Variants in DUSP22 observed in about 807,000 individuals in gnomAD.
DUSP22 encodes the protein dual specificity phosphatase 22.
DUSP22 carries 24 observed loss-of-function variants against 24.5 expected under a neutral mutation model. That is an observed-to-expected ratio of 0.98 (90% confidence interval 0.71 to 1.38). The LOEUF is 1.38. Among genes scored for constraint, DUSP22 ranks in the 40% most tolerant of loss-of-function variants. The pLI, the probability that DUSP22 is intolerant of heterozygous loss-of-function variation, is 0.00. For synonymous variants in DUSP22, 160 were observed against 106.4 expected, an observed-to-expected ratio of 1.50 and a Z score of -3.10; for missense variants, 330 against 269.2, an observed-to-expected ratio of 1.23 and a Z score of -1.58.
chr6:328,735 A>G (rs533154066), intron 3 of DUSP22, among the ~76,000 whole-genome samples: 96 of 152,394 alleles, frequency 6.3e-4, no homozygotes, highest in African/African-American at 2.1e-3. Flanking sequence ...AACATGAATA[A>G]TGCAGCCTAA....
intron 1 of DUSP22, among the ~76,000 whole-genome samples, chr6:294,509 A>G (rs1173815731): frequency 1.3e-5 from 2 of 152,286 alleles, no homozygotes; most frequent in Non-Finnish European, 2.9e-5. Context: ...CGGTGAAATT[A>G]ATTTTAATAA....
intron 1 of DUSP22, among the ~76,000 whole-genome samples, chr6:302,221 A>G (rs1430634832): frequency 6.6e-6 from 1 of 152,298 alleles, no homozygotes; most frequent in Admixed American, 6.5e-5. Flanking sequence ...CATTTTCAAG[A>G]TATATTAAGT....
At chr6:295,415 C>T (rs775871727) in intron 1 of DUSP22, among the ~76,000 whole-genome samples, 14 of 152,212 alleles carry the variant, frequency 9.2e-5, no homozygotes, top group Non-Finnish European at 1.3e-4. Flanking sequence ...GTTAGGTGTA[C>T]GCAGCAGATT....
At chr6:297,215 T>G (rs2127388558) in intron 1 of DUSP22, among the ~76,000 whole-genome samples, 1 of 152,420 alleles carries the variant, frequency 6.6e-6, no homozygotes, top group African/African-American at 2.4e-5. Flanking sequence ...CCTTAGGTGG[T>G]TAGCTAATCC....
chr6:322,421 G>C (rs1201944133), intron 3 of DUSP22, among the ~76,000 whole-genome samples: 1 of 152,294 alleles, frequency 6.6e-6, no homozygotes, highest in African/African-American at 2.4e-5. Context: ...GGCGCCTCAG[G>C]GTACTCTGGC....
intron 4 of DUSP22, among the ~76,000 whole-genome samples, chr6:342,125 C>T (rs930047871): frequency 6.6e-6 from 1 of 152,306 alleles, no homozygotes; most frequent in African/African-American, 2.4e-5. Context: ...TGACCCCAAT[C>T]CTGTCCCCAC....
intron 1 of DUSP22, among the ~76,000 whole-genome samples, chr6:293,697 T>C (rs1309687476): frequency 2.6e-5 from 4 of 152,398 alleles, no homozygotes; most frequent in South Asian, 2.1e-4. Flanking sequence ...GCGCATGTCG[T>C]GTTTATTGTG....
intron 2 of DUSP22, among the ~76,000 whole-genome samples, chr6:305,154 G>A (rs557012720): frequency 6.6e-6 from 1 of 152,426 alleles, no homozygotes; most frequent in African/African-American, 2.4e-5. Context: ...ATCAGCTTTA[G>A]ACTTCTCATG....
chr6:296,129 C>G (rs530435267), intron 1 of DUSP22, among the ~76,000 whole-genome samples: 2 of 152,420 alleles, frequency 1.3e-5, no homozygotes, highest in East Asian at 3.8e-4. Flanking sequence ...CACCTCCTCT[C>G]TTCCTTTATG....
chr6:297,268 C>T (rs1354771855), intron 1 of DUSP22, among the ~76,000 whole-genome samples: 1 of 152,294 alleles, frequency 6.6e-6, no homozygotes, highest in African/African-American at 2.4e-5. Flanking sequence ...GATACCTTCC[C>T]CAATTACTAA....
intron 1 of DUSP22, among the ~76,000 whole-genome samples, chr6:296,237 A>G (rs1488228543): frequency 6.6e-6 from 1 of 152,298 alleles, no homozygotes; most frequent in African/African-American, 2.4e-5. Context: ...TAGATGCCCC[A>G]CACTGGCCAA....
intron 4 of DUSP22, among the ~76,000 whole-genome samples, 158 bp from the exon 5 acceptor site, chr6:345,696 G>A (rs888353781): frequency 2.6e-5 from 4 of 152,300 alleles, no homozygotes; most frequent in South Asian, 4.1e-4. Context: ...TACATGCATT[G>A]AAGTGTCACA....
intron 3 of DUSP22, among the ~76,000 whole-genome samples, chr6:330,113 A>G (rs1269509434): frequency 6.6e-6 from 1 of 152,310 alleles, no homozygotes; most frequent in African/African-American, 2.4e-5. Context: ...CAAATAACAG[A>G]CACCATTGCT....
intron 2 of DUSP22, among the ~76,000 whole-genome samples, chr6:310,710 A>G (rs901456626): frequency 6.6e-6 from 1 of 152,296 alleles, no homozygotes. Flanking sequence ...AAGAATTCTC[A>G]TCATTAAGAG....
intron 1 of DUSP22, among the ~76,000 whole-genome samples, chr6:300,284 G>A (rs1377235534): frequency 2.0e-5 from 3 of 152,274 alleles, no homozygotes; most frequent in Admixed American, 6.5e-5. Flanking sequence ...GAATGCCTTC[G>A]GGCTCGGGCT....
At position 349,817 on chromosome 6, in the gene DUSP22, C is replaced by G; in HGVS notation, c.*866C>G. ...TCTACTTGGTGTTTGTTCTCTGGAG[C>G]TGATTGCACTTGAGCTCTGTGGTGG... On this transcript the variant is annotated 3_prime_UTR_variant, in exon 7 of 7. Transcript: ENST00000419235. 3 of 985,874 alleles carry G rather than the reference C, an allele frequency of 3.0e-6. No individual in the cohort carries two copies. The highest frequency in any genetic ancestry group is 3.6e-6 in the Non-Finnish European group (3 of 830,194). 61.1% of individuals were successfully genotyped at this position (985,874 alleles called of 1,614,324 possible).
In DUSP22 at chr6:350,860, A is replaced by G; in HGVS notation, c.*1909A>G. The stretch of plus-strand genomic sequence containing the variant: ...TCTGAAGTTCTGGGCCTTTCTCAGA[A>G]GACTGTAATGTACCTGAAGTTTCTG... On this transcript the variant is annotated 3_prime_UTR_variant, in exon 7 of 7. Transcript: ENST00000419235. 3 of 1,614,260 alleles carry G rather than the reference A, an allele frequency of 1.9e-6. No individual in the cohort carries two copies. The highest frequency in any genetic ancestry group is 2.5e-6 in the Non-Finnish European group (3 of 1,180,010).
Position 319,154 on chromosome 6 carries a change from C to A in DUSP22, c.138+7192C>A, listed in dbSNP as rs571757415. Among the ~76,000 whole-genome samples the A allele has an allele frequency of 3.9e-5, 6 of 152,168 alleles. No homozygotes were observed. The South Asian group carries it at 8.3e-4, about 21-fold the overall frequency. On this transcript the variant is annotated intron_variant, in intron 3 of 6. Transcript: ENST00000419235. The stretch of plus-strand genomic sequence containing the variant: ...CCTCTATTTAAAAAAAAAAAAAATT[C>A]TTGAATTTATTTGTCACAATAAGAT...
chr6:345,978 G>A, intron 5 of DUSP22, 50 bp downstream of exon 5: 1 of 1,605,184 alleles, frequency 6.2e-7, no homozygotes, highest in Non-Finnish European at 8.5e-7. Flanking sequence ...TGGTCGGCTT[G>A]GCTTCCCATC....
Sources: gnomAD v4.1 joint callset for allele counts (sites outside exome capture counted in the v4.1 genomes callset) on GRCh38, gnomAD v4.1.1 for gene constraint, MANE v1.5 for transcripts, NCBI Gene and HGNC (gene_info 2026-07-23, HGNC 2026-07-21) for gene names.